The following TBRG1 variants were observed in gnomAD, a reference collection of about 807,000 sequenced individuals.
The protein encoded by TBRG1 is nuclear interactor of ARF and MDM2.
Under a neutral mutation model 44.0 loss-of-function variants are expected in TBRG1, and 31 were observed. The observed-to-expected ratio is 0.70, with a 90% confidence interval of 0.53 to 0.95. The LOEUF (loss-of-function observed/expected upper bound fraction) is 0.95. Among genes scored for constraint, TBRG1 ranks in the 40% least tolerant of loss-of-function variants. The pLI is 0.00. For synonymous variants in TBRG1, 171 were observed against 188.1 expected, an observed-to-expected ratio of 0.91 and a Z score of 0.74; for missense variants, 487 against 496.1, an observed-to-expected ratio of 0.98 and a Z score of 0.18.
Position 124,624,210 on chromosome 11 carries a change from A to G in TBRG1, c.151-721A>G, listed in dbSNP as rs541495197. On this transcript the variant is annotated intron_variant, in intron 1 of 8. Coordinates refer to ENST00000441174, the MANE Select transcript of TBRG1 (RefSeq NM_032811.3). ...GCTTGGAATTTATGTTATTTCAAGG[A>G]TATTGGTTCCATCAAATACATAATG... 3.9e-5 allele frequency among the ~76,000 whole-genome samples: 6 copies of G among 152,226 alleles called. No individual in the cohort carries two copies. The South Asian group carries it at 1.2e-3, about 32-fold the overall frequency.
intron 7 of TBRG1, 183 bp from the exon 8 acceptor site, chr11:124,631,092 T>G: frequency 3.0e-6 from 2 of 659,176 alleles, no homozygotes; most frequent in South Asian, 2.1e-5. Context: ...GGGTGGGAAA[T>G]CTAGCAGACT....
chr11:124,635,237 T>C lies in TBRG1; in HGVS notation c.*2999T>C, dbSNP rs540011499. The C allele has an allele frequency of 1.3e-5, 2 of 152,338 alleles. No individual in the cohort carries two copies. Among genetic ancestry groups the C allele is most frequent in the Admixed American group, 1.3e-4 (2 of 15,302 alleles). 9.4% of individuals were successfully genotyped at this position (152,338 alleles called of 1,614,324 possible). A position where few individuals can be genotyped will look rare whatever the true frequency, so the allele number is the denominator to read the frequency against. ...AGGCATCAATCTGTTACAAGGTTCA[T>C]GGTTTCTATGGGGCCAGATGCATGA... On this transcript the variant is annotated 3_prime_UTR_variant, in exon 9 of 9. Transcript: ENST00000441174.
chr11:124,627,306 G>A (rs1015187140), intron 5 of TBRG1, among the ~76,000 whole-genome samples: 2 of 152,154 alleles, frequency 1.3e-5, no homozygotes, highest in African/African-American at 4.8e-5. Context: ...TGCTGACTTT[G>A]TGACTATGTG....
chr11:124,624,784 T>G, intron 1 of TBRG1, 147 bp from the exon 2 acceptor site: 1 of 628,240 alleles, frequency 1.6e-6, no homozygotes, highest in Non-Finnish European at 2.8e-6. Flanking sequence ...TATCTATGGA[T>G]TTATTTATAG....
In TBRG1 at chr11:124,625,686, G is replaced by C; in HGVS notation, c.237G>C (p.Lys79Asn). The C allele has an allele frequency of 6.4e-7, 1 of 1,551,328 alleles. No homozygotes were observed. Among genetic ancestry groups the C allele is most frequent in the South Asian group, 1.2e-5 (1 of 83,900 alleles). ...CTGATCTCAGGTACTTGCTAAAGAA[G>C]CTCCTCCAGCTTCAGGCTCTAACTG... Reference protein sequence around the residue: ...AKEERRYLLKKLLQLQALTEG... With the variant: ...AKEERRYLLKNLLQLQALTEG... Residue 79 changes from lysine to asparagine, a missense_variant, in exon 3 of 9, where the codon AAG (lysine) becomes AAC (asparagine). Coordinates refer to ENST00000441174, the MANE Select transcript of TBRG1 (RefSeq NM_032811.3).
At chr11:124,625,115 C>T (rs1942436085) in intron 2 of TBRG1, 114 bp downstream of exon 2, 2 of 717,994 alleles carry the variant, frequency 2.8e-6, no homozygotes, top group Admixed American at 2.8e-5. Context: ...ATGCGTATCG[C>T]ACAGCCCCTT....
rs568198436 is a variant in TBRG1, at chr11:124,625,356, G to A, written c.222-315G>A. Among the ~76,000 whole-genome samples the A allele has an allele frequency of 8.3e-4, 127 of 152,274 alleles. 2 individuals carry two copies. Among genetic ancestry groups the A allele is most frequent in the Middle Eastern group, 6.8e-3 (2 of 294 alleles). On this transcript the variant is annotated intron_variant, in intron 2 of 8. Coordinates refer to ENST00000441174, the MANE Select transcript of TBRG1 (RefSeq NM_032811.3). ...CGTTCTACAAATATTTATTCTGTAC[G>A]TACTATTCTGTGCAAAGCACAATGG...
intron 4 of TBRG1, 43 bp from the exon 5 acceptor site, chr11:124,626,861 C>A (rs748668407): frequency 2.1e-5 from 33 of 1,583,620 alleles, no homozygotes; most frequent in Middle Eastern, 1.7e-4. Context: ...CTTCTAAATT[C>A]TTCAGTGACC....
chr11:124,627,108 T>C, intron 5 of TBRG1, 58 bp downstream of exon 5: 5 of 1,146,980 alleles, frequency 4.4e-6, no homozygotes, highest in South Asian at 4.0e-5. Context: ...TGCTAGGATA[T>C]GTATTACCTG....
intron 5 of TBRG1, among the ~76,000 whole-genome samples, chr11:124,628,488 A>G (rs1477597013): frequency 6.6e-6 from 1 of 151,068 alleles, no homozygotes; most frequent in Non-Finnish European, 1.5e-5. Context: ...TTAATACCAG[A>G]TAAAGTGCTC....
At position 124,634,333 on chromosome 11, in the gene TBRG1, T is replaced by TCAAAAA. The variant is rs749056036; in HGVS notation, c.*2110_*2115dup. The TCAAAAA allele has an allele frequency of 1.3e-5, 2 of 152,100 alleles. No individual in the cohort carries two copies. The highest frequency in any genetic ancestry group is 4.8e-5 in the African/African-American group (2 of 41,406). 9.4% of individuals were successfully genotyped at this position (152,100 alleles called of 1,614,324 possible). A position where few individuals can be genotyped will look rare whatever the true frequency, so the allele number is the denominator to read the frequency against. On this transcript the variant is annotated 3_prime_UTR_variant, in exon 9 of 9. Coordinates refer to ENST00000441174, the MANE Select transcript of TBRG1 (RefSeq NM_032811.3). The stretch of plus-strand genomic sequence containing the variant: ...CTGGGCAACAGAGCAAAACTCCAAC[T>TCAAAAA]CAAAAACAAAAACAAAAACACCTTG...
intron 8 of TBRG1, chr11:124,631,796 C>T (rs553766436): frequency 4.2e-5 from 18 of 433,398 alleles, no homozygotes; most frequent in South Asian, 4.1e-4. Flanking sequence ...GAGTTCCTCC[C>T]ACAAATGAGT....
Position 124,623,432 on chromosome 11 carries a change from G to C in TBRG1, c.150+199G>C, listed in dbSNP as rs1321883719. ...CTCATCTGTAAATGAGCTAGTAACT[G>C]TCTTGCAGAATAATGAATATTAAAT... On this transcript the variant is annotated intron_variant, in intron 1 of 8. Coordinates refer to ENST00000441174, the MANE Select transcript of TBRG1 (RefSeq NM_032811.3). The C allele has an allele frequency of 7.1e-6, 5 of 703,404 alleles. No homozygotes were observed. The East Asian group carries it at 1.4e-4, about 20-fold the overall frequency. The allele number at this position is 703,404 out of a possible 1,614,324, so 43.6% of individuals were successfully genotyped here. A position where few individuals can be genotyped will look rare whatever the true frequency, so the allele number is the denominator to read the frequency against.
chr11:124,623,376 C>T (rs896877477), intron 1 of TBRG1, 143 bp downstream of exon 1: 2 of 932,938 alleles, frequency 2.1e-6, no homozygotes, highest in Non-Finnish European at 3.4e-6. Flanking sequence ...AGCCTTGTGT[C>T]CTTGGACAAA....
chr11:124,623,261 C>G (rs1330950737), intron 1 of TBRG1, 28 bp downstream of exon 1: 2 of 1,551,160 alleles, frequency 1.3e-6, no homozygotes, highest in East Asian at 2.4e-5. Context: ...TCAGCCGGTC[C>G]CCTCCTGGAG....
chr11:124,631,643 T>C, intron 8 of TBRG1: 1 of 574,490 alleles, frequency 1.7e-6, no homozygotes, highest in Non-Finnish European at 3.1e-6. Flanking sequence ...TAAGGCAGGG[T>C]ACCCCAGAAA....
At position 124,623,104 on chromosome 11, in the gene TBRG1, C is replaced by G; in HGVS notation, c.21C>G (p.Leu7=). ...GGACCATGAGCCTGCTGGACGGCCT[C>G]GCTTCCTCGCCGCGGGCTCCGCTGC... is the stretch of plus-strand genomic sequence containing the variant. MSLLDG[L]ASSPRAPLQS... The change falls in exon 1 of 9, where the codon CTC becomes CTG. Residue 7 remains leucine, a synonymous_variant. Transcript: ENST00000441174. 6.4e-7 allele frequency: 1 copy of G among 1,550,542 alleles called. No homozygotes were observed. The highest frequency in any genetic ancestry group is 8.7e-7 in the Non-Finnish European group (1 of 1,146,710).
chr11:124,628,557 C>G lies in TBRG1; in HGVS notation c.738+1507C>G, dbSNP rs577982792. Among the ~76,000 whole-genome samples the G allele has an allele frequency of 9.1e-4, 126 of 138,786 alleles. No homozygotes were observed. The Middle Eastern group carries it at 0.011, about 13-fold the overall frequency. 91.0% of individuals were successfully genotyped at this position (138,786 alleles called of 152,430 possible). A position where few individuals can be genotyped will look rare whatever the true frequency, so the allele number is the denominator to read the frequency against. Reference sequence around the variant, plus strand: ...AAAAAAAAAACCCACAGGCATTTCACAGAAACAGTGCAGATGGTAAAGTGT... The same window carrying G: ...AAAAAAAAAACCCACAGGCATTTCAGAGAAACAGTGCAGATGGTAAAGTGT... On this transcript the variant is annotated intron_variant, in intron 5 of 8. Coordinates refer to ENST00000441174, the MANE Select transcript of TBRG1 (RefSeq NM_032811.3).
At position 124,628,050 on chromosome 11, in the gene TBRG1, C is replaced by T. The variant is rs898270251; in HGVS notation, c.738+1000C>T. Among the ~76,000 whole-genome samples, 43 of 123,820 alleles carry T rather than the reference C, an allele frequency of 3.5e-4. 1 individual carries two copies. The highest frequency in any genetic ancestry group is 2.3e-3 in the Admixed American group (25 of 10,710). The allele number at this position is 123,820 out of a possible 152,430, so 81.2% of individuals were successfully genotyped here. A position where few individuals can be genotyped will look rare whatever the true frequency, so the allele number is the denominator to read the frequency against. ...TAGCTTCAAATTTTGTTCCAACTAA[C>T]GTCAAGTAGCTGTTTTATATATATA... On this transcript the variant is annotated intron_variant, in intron 5 of 8. Transcript: ENST00000441174.
Sources: allele counts gnomAD v4.1 joint callset (sites outside exome capture counted in the v4.1 genomes callset), GRCh38; gene constraint gnomAD v4.1.1; transcripts MANE v1.5; gene names NCBI Gene and HGNC (gene_info 2026-07-23, HGNC 2026-07-21).